Variants in STAB1 observed in about 807,000 individuals in gnomAD.
The protein encoded by STAB1 is stabilin 1.
Under a neutral mutation model 332.4 loss-of-function variants are expected in STAB1, and 250 were observed. The ratio of observed to expected loss-of-function variants is 0.75; its 90% confidence interval spans 0.68 to 0.84. STAB1 has a LOEUF of 0.84. STAB1 is among the 40% of genes least tolerant of loss of function. The pLI is 0.00. For missense variants in STAB1, 3,249 were observed against 3,489.7 expected, an observed-to-expected ratio of 0.93 and a Z score of 1.74; for synonymous variants, 1,475 against 1,390.4, an observed-to-expected ratio of 1.06 and a Z score of -1.35.
chr3:52,502,878 C>T (rs756478931), intron 6 of STAB1, 121 bp from the exon 7 acceptor site: 33 of 1,224,692 alleles, frequency 2.7e-5, no homozygotes, highest in Non-Finnish European at 3.6e-5. Flanking sequence ...CTCCACTGTC[C>T]AGAGGCCCAG....
rs2079199673 is a variant in STAB1 at position 52,524,394 on chromosome 3, G to A, written c.*38G>A. ...TGAAAGCAGAAGCATGCACAGGGAG[G>A]AGACCACTTTTATTGCTTGTCTGGG... On this transcript the variant is annotated 3_prime_UTR_variant, in exon 69 of 69. Coordinates refer to ENST00000321725, the MANE Select transcript of STAB1 (RefSeq NM_015136.3). 2 of 1,612,980 alleles carry A rather than the reference G, an allele frequency of 1.2e-6. No individual in the cohort carries two copies. Among genetic ancestry groups the A allele is most frequent in the Non-Finnish European group, 1.7e-6 (2 of 1,179,702 alleles).
intron 1 of STAB1, among the ~76,000 whole-genome samples, chr3:52,496,148 C>G (rs1415865827): frequency 6.6e-6 from 1 of 152,196 alleles, no homozygotes; most frequent in African/African-American, 2.4e-5. Context: ...GCTCCAAACC[C>G]CTGCCTGTGA....
At chr3:52,507,843 G>T in intron 19 of STAB1, 88 bp from the exon 20 acceptor site, 1 of 1,472,930 alleles carries the variant, frequency 6.8e-7, no homozygotes, top group African/African-American at 1.4e-5. Context: ...TGGACCCAGG[G>T]GGCAGAGGTC....
rs1171931522 is a variant in STAB1 at position 52,503,108 on chromosome 3, A to G, written c.693A>G (p.Arg231=). 3.2e-6 allele frequency: 5 copies of G among 1,575,114 alleles called. No homozygotes were observed. Among genetic ancestry groups the G allele is most frequent in the Non-Finnish European group, 4.3e-6 (5 of 1,160,436 alleles). ...ACACACAGCAGGGCAGTGAATGCCG[A>G]GGTGAGCCTGGACTCAGAGGCCAGG... The part of the protein sequence containing the change: ...PGYTQQGSEC[R]APNPCWPSPC... Residue 231 remains arginine, a splice_region_variant and synonymous_variant, in exon 7 of 69, where the codon CGA becomes CGG. Coordinates refer to ENST00000321725, the MANE Select transcript of STAB1 (RefSeq NM_015136.3).
chr3:52,522,805 C>G lies in STAB1; in HGVS notation c.6775C>G (p.Leu2259Val). ...CTTCCACCTGTGCCTCATGGGCTGG[C>G]TGGCCAATGGCTCCACTGCCCACCC... ...LGFHLCLMGWLANGSTAHPVV... is the reference protein window; with the variant it reads ...LGFHLCLMGWVANGSTAHPVV... The change falls in exon 62 of 69, where the codon CTG (leucine) becomes GTG (valine). Residue 2259 changes from leucine (L) to valine (V), a missense_variant. By Grantham distance (32) the Leu-to-Val change is conservative (BLOSUM62 1). Transcript: ENST00000321725. 1 of 1,613,302 alleles carries G rather than the reference C, an allele frequency of 6.2e-7. No homozygotes were observed. Among genetic ancestry groups the G allele is most frequent in the Non-Finnish European group, 8.5e-7 (1 of 1,180,008 alleles).
chr3:52,523,287 G>A lies in STAB1; in HGVS notation c.7086G>A (p.Glu2362=), dbSNP rs373807142. Residue 2362 remains glutamate, a synonymous_variant, in exon 64 of 69, where the codon GAG becomes GAA. Coordinates refer to ENST00000321725, the MANE Select transcript of STAB1 (RefSeq NM_015136.3). ...ACTTCCTGGACTTCCTGGATGATGA[G>A]CTCACGTATAAGACACTCTTCGTCC... The part of the protein sequence containing the change: ...GLDFLDFLDD[E]LTYKTLFVPV... The A allele has an allele frequency of 8.1e-6, 13 of 1,612,934 alleles. No homozygotes were observed. Among genetic ancestry groups the A allele is most frequent in the Non-Finnish European group, 1.1e-5 (13 of 1,180,012 alleles).
rs1340876734 is a variant in STAB1 at position 52,512,939 on chromosome 3, A to T, written c.3139A>T (p.Thr1047Ser). The T allele has an allele frequency of 6.2e-7, 1 of 1,610,632 alleles. No homozygotes were observed. Among genetic ancestry groups the T allele is most frequent in the Non-Finnish European group, 8.5e-7 (1 of 1,179,118 alleles). ...CCGAGCTTTCTGGCTGCAGCCAAGG[A>T]CGCTGCCGAACCTGGTCAGGTGGGG... The part of the protein sequence containing the change: ...EDRAFWLQPR[T>S]LPNLVRAHFL... Residue 1047 changes from threonine to serine, a missense_variant, in exon 29 of 69, where the codon ACG (threonine) becomes TCG (serine). By Grantham distance (58) the Thr-to-Ser change is moderately conservative (BLOSUM62 1). Transcript: ENST00000321725.
chr3:52,495,494 A>G lies in STAB1; in HGVS notation c.78+3A>G, dbSNP rs1454280819. On this transcript the variant is annotated splice_donor_region_variant and intron_variant, in intron 1 of 68. Coordinates refer to ENST00000321725, the MANE Select transcript of STAB1 (RefSeq NM_015136.3). ...GCTTCAGCTTCGTCAGGGGGCAGGTAAGTGTGAGCCAGTCGCAGGGGCACA... is the reference window on the plus strand; with the variant it reads ...GCTTCAGCTTCGTCAGGGGGCAGGTGAGTGTGAGCCAGTCGCAGGGGCACA... 1.1e-5 allele frequency: 15 copies of G among 1,338,206 alleles called. No homozygotes were observed. Among genetic ancestry groups the G allele is most frequent in the Non-Finnish European group, 1.3e-5 (13 of 1,036,886 alleles). 82.9% of individuals were successfully genotyped at this position (1,338,206 alleles called of 1,614,324 possible). A position where few individuals can be genotyped will look rare whatever the true frequency, so the allele number is the denominator to read the frequency against.
intron 48 of STAB1, 137 bp downstream of exon 48, chr3:52,519,006 C>A (rs1049568214): frequency 2.6e-6 from 3 of 1,150,426 alleles, no homozygotes; most frequent in Non-Finnish European, 3.6e-6. Context: ...TGAGTCCAGC[C>A]CGGGACTCCG....
chr3:52,516,198 G>A lies in STAB1; in HGVS notation c.4104G>A (p.Glu1368=), dbSNP rs2078856164. ...AGGGCTTCCATGGAACGGCCTGTGA[G>A]GTGTGTGAGCTGGGCCGCTACGGGC... is the stretch of plus-strand genomic sequence containing the variant. The part of the protein sequence containing the change: ...CHEGFHGTAC[E]VCELGRYGPN... The change falls in exon 38 of 69, where the codon GAG becomes GAA. Residue 1368 remains glutamate, a synonymous_variant. Coordinates refer to ENST00000321725, the MANE Select transcript of STAB1 (RefSeq NM_015136.3). 2 of 1,612,494 alleles carry A rather than the reference G, an allele frequency of 1.2e-6. No homozygotes were observed. Among genetic ancestry groups the A allele is most frequent in the African/African-American group, 1.3e-5 (1 of 74,886 alleles).
chr3:52,518,056 C>A, intron 45 of STAB1, 53 bp downstream of exon 45: 1 of 1,558,180 alleles, frequency 6.4e-7, no homozygotes, highest in Non-Finnish European at 8.6e-7. Context: ...GCCCCATGGG[C>A]CTGACCCATG....
chr3:52,505,508 G>A (rs1256902567), intron 14 of STAB1, 127 bp downstream of exon 14: 12 of 1,215,290 alleles, frequency 9.9e-6, no homozygotes, highest in Non-Finnish European at 7.0e-6. Context: ...CCATGCCCCC[G>A]TCCTCAAGCC....
intron 5 of STAB1, 122 bp from the exon 6 acceptor site, chr3:52,502,510 T>G (rs775534968): frequency 2.1e-4 from 189 of 915,994 alleles, no homozygotes; most frequent in Non-Finnish European, 2.7e-4. Context: ...ATCACAGCTC[T>G]GTACTCTTAA....
In STAB1 at chr3:52,510,441, G is replaced by C; in HGVS notation, c.2721G>C (p.Glu907Asp). Residue 907 changes from glutamate to aspartate, a missense_variant, in exon 25 of 69, where the codon GAG becomes GAC. Glu to Asp is a conservative substitution (Grantham distance 45, BLOSUM62 2). Coordinates refer to ENST00000321725, the MANE Select transcript of STAB1 (RefSeq NM_015136.3). The stretch of plus-strand genomic sequence containing the variant: ...GCCGCGTCTGTGTGGCTATTGACGA[G>C]TGTGAGCTGGACATGAGAGGTGGCT... The part of the protein sequence containing the change: ...GDGRVCVAID[E>D]CELDMRGGCH... 1 of 1,613,744 alleles carries C rather than the reference G, an allele frequency of 6.2e-7. No individual in the cohort carries two copies. The highest frequency in any genetic ancestry group is 8.5e-7 in the Non-Finnish European group (1 of 1,179,918).
intron 64 of STAB1, 25 bp from the exon 65 acceptor site, chr3:52,523,402 C>T (rs2079148054): frequency 6.2e-7 from 1 of 1,609,502 alleles, no homozygotes; most frequent in South Asian, 1.1e-5. Context: ...CTGGCCCAGG[C>T]CAACAGGCCT....
chr3:52,500,059 C>T (rs1479822791), intron 1 of STAB1, among the ~76,000 whole-genome samples: 8 of 152,124 alleles, frequency 5.3e-5, no homozygotes, highest in Non-Finnish European at 8.8e-5. Flanking sequence ...GGCGACACAG[C>T]GAGACCCTTT....
Position 52,503,845 on chromosome 3 carries a change from C to A in STAB1, c.965C>A (p.Ser322Tyr). The change falls in exon 9 of 69, where the codon TCC (serine) becomes TAC (tyrosine). Residue 322 changes from serine to tyrosine, a missense_variant. Physicochemically the swap from Ser to Tyr is moderately radical, Grantham distance 144. Coordinates refer to ENST00000321725, the MANE Select transcript of STAB1 (RefSeq NM_015136.3). Reference protein sequence around the residue: ...NASAGCFAFCSPFSCDRSATC... With the variant: ...NASAGCFAFCYPFSCDRSATC... ...TCTGCGGGCTGCTTCGCCTTCTGCT[C>A]CCCCTTCTCCTGCGACCGGTCTGCC... The A allele has an allele frequency of 1.9e-6, 3 of 1,613,252 alleles. No homozygotes were observed. Among genetic ancestry groups the A allele is most frequent in the Non-Finnish European group, 2.5e-6 (3 of 1,180,026 alleles).
rs777696112 is a variant in STAB1 at position 52,518,873 on chromosome 3, A to AGCCCTG, written c.5034+14_5034+19dup. On this transcript the variant is annotated splice_donor_region_variant and intron_variant, in intron 48 of 68. Coordinates refer to ENST00000321725, the MANE Select transcript of STAB1 (RefSeq NM_015136.3). ...ACTGCGCTTCAGCGAGAGGGAGGTG[A>AGCCCTG]GCCCTGGCCCTGGCCTGCCCCGCTC... 1.3e-6 allele frequency: 2 copies of AGCCCTG among 1,560,910 alleles called. No individual in the cohort carries two copies. The highest frequency in any genetic ancestry group is 2.3e-5 in the East Asian group (1 of 42,792).
chr3:52,520,633 C>A lies in STAB1; in HGVS notation c.5650-9C>A. The A allele has an allele frequency of 6.2e-7, 1 of 1,612,920 alleles. No homozygotes were observed. Among genetic ancestry groups the A allele is most frequent in the Non-Finnish European group, 8.5e-7 (1 of 1,180,018 alleles). ...CTGACTTTGCTGTATTGGCCTCCCT[C>A]CCTTCCAGAACACCTGCAGCATCTG... On this transcript the variant is annotated splice_polypyrimidine_tract_variant and intron_variant, in intron 53 of 68. Coordinates refer to ENST00000321725, the MANE Select transcript of STAB1 (RefSeq NM_015136.3).
Sources: allele counts gnomAD v4.1 joint callset (sites outside exome capture counted in the v4.1 genomes callset), GRCh38; gene constraint gnomAD v4.1.1; transcripts MANE v1.5; gene names NCBI Gene and HGNC (gene_info 2026-07-23, HGNC 2026-07-21).